Variants in RORB observed in about 807,000 individuals in gnomAD.
RORB encodes the protein nuclear receptor ROR-beta.
Under a neutral mutation model 59.1 loss-of-function variants are expected in RORB, and 6 were observed. The ratio of observed to expected loss-of-function variants is 0.10; its 90% CI spans 0.06 to 0.20. The LOEUF is 0.20. Ranked by LOEUF, RORB falls within the 10% of genes least tolerant of loss-of-function variation. RORB has a pLI of 1.00. For missense variants in RORB, 320 were observed against 560.5 expected (o/e 0.57, Z 4.33); for synonymous variants, 215 against 204.5 (o/e 1.05, Z -0.44).
At chr9:74,599,349 A>G (rs1274562394) in intron 1 of RORB, among the ~76,000 whole-genome samples, 1 of 152,150 alleles carries the variant, frequency 6.6e-6, no homozygotes, top group Non-Finnish European at 1.5e-5. Flanking sequence ...AATGCTAACT[A>G]TTATTCAATG....
intron 1 of RORB, among the ~76,000 whole-genome samples, chr9:74,554,416 GCT>G (rs1826660381): frequency 6.6e-6 from 1 of 152,008 alleles, no homozygotes; most frequent in Admixed American, 6.6e-5. Flanking sequence ...AAGCACCTGG[GCT>G]CTTTCATTTC....
chr9:74,522,307 G>A (rs1355492917), intron 1 of RORB, among the ~76,000 whole-genome samples: 1 of 151,606 alleles, frequency 6.6e-6, no homozygotes, highest in Admixed American at 6.6e-5. Context: ...ATTATTTGAT[G>A]CATCATTAAT....
chr9:74,564,137 T>C (rs1822438205), intron 1 of RORB, among the ~76,000 whole-genome samples: 1 of 152,206 alleles, frequency 6.6e-6, no homozygotes, highest in Admixed American at 6.5e-5. Flanking sequence ...AAACCTGGTC[T>C]CGGTTGCTGG....
chr9:74,630,831 AAAAAG>A (rs776511989), intron 2 of RORB, among the ~76,000 whole-genome samples: 2 of 80,372 alleles, frequency 2.5e-5, no homozygotes, highest in African/African-American at 6.4e-5. Flanking sequence ...TACAGGAAAA[AAAAAG>A]AAAAGAAAAG....
At chr9:74,515,391 G>A (rs1825994112) in intron 1 of RORB, among the ~76,000 whole-genome samples, 2 of 151,792 alleles carry the variant, frequency 1.3e-5, no homozygotes, top group Admixed American at 1.3e-4. Flanking sequence ...TCTGTGCGAT[G>A]TTTCCTCACA....
intron 1 of RORB, among the ~76,000 whole-genome samples, chr9:74,523,667 G>GA (rs1301833614): frequency 6.6e-6 from 1 of 151,824 alleles, no homozygotes; most frequent in Non-Finnish European, 1.5e-5. Flanking sequence ...ACATTAAAAG[G>GA]AAAAAAATCA....
At chr9:74,616,220 G>A (rs1171543069) in intron 1 of RORB, among the ~76,000 whole-genome samples, 1 of 151,988 alleles carries the variant, frequency 6.6e-6, no homozygotes, top group African/African-American at 2.4e-5. Flanking sequence ...AGGCAAATTT[G>A]GAGCACTTGT....
chr9:74,577,253 G>A (rs1233953612), intron 1 of RORB, among the ~76,000 whole-genome samples: 2 of 151,970 alleles, frequency 1.3e-5, no homozygotes, highest in African/African-American at 4.8e-5. Flanking sequence ...CTTCACTAAT[G>A]TCAAAATCGT....
Position 74,679,411 on chromosome 9 carries a change from C to T in RORB, c.1225-6052C>T, listed in dbSNP as rs1824505295. Among the ~76,000 whole-genome samples, 3 of 152,310 alleles carry T rather than the reference C, an allele frequency of 2.0e-5. No homozygotes were observed. The South Asian group carries it at 6.2e-4, about 32-fold the overall frequency. ...GGTAAAACTGGCATCCCCAAAGCTT[C>T]CCTCAGGCTTCCTCCCAACAGTAAA... On this transcript the variant is annotated intron_variant, in intron 9 of 9. Transcript: ENST00000376896.
chr9:74,502,598 A>G (rs1021708397), intron 1 of RORB, among the ~76,000 whole-genome samples: 1 of 152,106 alleles, frequency 6.6e-6, no homozygotes, highest in African/African-American at 2.4e-5. Context: ...TATAGCATTC[A>G]ATTAATAGTT....
At chr9:74,649,239 C>T (rs1476663035) in intron 4 of RORB, among the ~76,000 whole-genome samples, 1 of 152,134 alleles carries the variant, frequency 6.6e-6, no homozygotes, top group African/African-American at 2.4e-5. Flanking sequence ...GCATGAGCCA[C>T]CATGCCCGGC....
rs751933467 is a variant in RORB, at chr9:74,671,775, C to G, written c.1112-14C>G. The G allele has an allele frequency of 6.4e-7, 1 of 1,571,770 alleles. No homozygotes were observed. The highest frequency in any genetic ancestry group is 1.1e-5 in the South Asian group (1 of 88,208). On this transcript the variant is annotated splice_polypyrimidine_tract_variant and intron_variant, in intron 8 of 9. Transcript: ENST00000376896. The stretch of plus-strand genomic sequence containing the variant: ...TTGATGTTCCCTCCACTTACCCACT[C>G]TTTCTTTCATCAGACCGAGCCTGGC...
At chr9:74,551,607 A>C (rs193189047) in intron 1 of RORB, among the ~76,000 whole-genome samples, 10 of 152,338 alleles carry the variant, frequency 6.6e-5, no homozygotes, top group Admixed American at 3.3e-4. Context: ...CTGAAACCAC[A>C]GAAGGCACAG....
At chr9:74,559,106 C>T (rs1822355776) in intron 1 of RORB, among the ~76,000 whole-genome samples, 1 of 152,160 alleles carries the variant, frequency 6.6e-6, no homozygotes, top group African/African-American at 2.4e-5. Flanking sequence ...AAACTCCGTG[C>T]ATACGATTTG....
At chr9:74,673,671 A>G (rs1824386308) in intron 9 of RORB, among the ~76,000 whole-genome samples, 1 of 152,218 alleles carries the variant, frequency 6.6e-6, no homozygotes. Flanking sequence ...AAAGAAAATT[A>G]TGTCAACTGT....
intron 4 of RORB, among the ~76,000 whole-genome samples, chr9:74,652,909 A>G (rs1046052800): frequency 1.1e-4 from 17 of 152,356 alleles, no homozygotes; most frequent in African/African-American, 3.8e-4. Context: ...TCTACAGATC[A>G]CTAATAGATT....
rs1826209875 is a variant in RORB at position 74,529,866 on chromosome 9, TACTC to T, written c.7+31885_7+31888del. On this transcript the variant is annotated intron_variant, in intron 1 of 9. Transcript: ENST00000376896. ...TCTCAGAAATCACCGCTGAAGGACTTACTCATGTAACCAAACACCACATGTTCCC... is the reference window on the plus strand; with the variant it reads ...TCTCAGAAATCACCGCTGAAGGACTTATGTAACCAAACACCACATGTTCCC... Among the ~76,000 whole-genome samples, 7 of 151,926 alleles carry T rather than the reference TACTC, an allele frequency of 4.6e-5. 1 individual carries two copies. The South Asian group carries it at 1.2e-3, about 27-fold the overall frequency.
chr9:74,610,335 A>T (rs560971103), intron 1 of RORB, among the ~76,000 whole-genome samples: 1 of 152,234 alleles, frequency 6.6e-6, no homozygotes, highest in African/African-American at 2.4e-5. Flanking sequence ...GTTTTGAGAA[A>T]CATGTAGAGA....
At chr9:74,503,805 A>T (rs1374673522) in intron 1 of RORB, among the ~76,000 whole-genome samples, 11 of 152,054 alleles carry the variant, frequency 7.2e-5, no homozygotes, top group Admixed American at 7.2e-4. Context: ...ATGAATAGAA[A>T]TGAGATTTAC....
Sources: allele counts gnomAD v4.1 joint callset (sites outside exome capture counted in the v4.1 genomes callset), GRCh38; gene constraint gnomAD v4.1.1; transcripts MANE v1.5; gene names NCBI Gene and HGNC (gene_info 2026-07-23, HGNC 2026-07-21).